ENTREP2: variants seen among roughly 807,000 people sequenced by gnomAD.
ENTREP2 encodes protein ENTREP2.
the ENTREP2 span, among the ~76,000 whole-genome samples, chr15:29,630,248 G>A: frequency 2.8e-3 from 421 of 152,168 alleles, no homozygotes; most frequent in African/African-American, 8.9e-3. Context: ...TAGGACATAG[G>A]GTTTATAATT....
chr15:29,304,414 C>A, the ENTREP2 span, among the ~76,000 whole-genome samples: 1 of 152,020 alleles, frequency 6.6e-6, no homozygotes, highest in Non-Finnish European at 1.5e-5. Flanking sequence ...TCAACAAATG[C>A]AAAAAAACTG....
the ENTREP2 span, among the ~76,000 whole-genome samples, chr15:29,344,231 G>A: frequency 3.9e-5 from 6 of 152,166 alleles, no homozygotes; most frequent in Middle Eastern, 6.3e-3. Flanking sequence ...TCCCCAAAAC[G>A]CTTCACGCTG....
the ENTREP2 span, among the ~76,000 whole-genome samples, chr15:29,144,527 G>A: frequency 1.4e-4 from 21 of 152,276 alleles, 1 homozygote; most frequent in African/African-American, 3.9e-4. Flanking sequence ...CTACGAGTTC[G>A]AGACCAGCCT....
the ENTREP2 span, among the ~76,000 whole-genome samples, chr15:29,413,670 C>T: frequency 6.6e-6 from 1 of 152,136 alleles, no homozygotes; most frequent in Non-Finnish European, 1.5e-5. Context: ...AACTCTCTTC[C>T]CCTCTTCCTA....
chr15:29,365,638 T>TG, the ENTREP2 span, among the ~76,000 whole-genome samples: 2 of 152,000 alleles, frequency 1.3e-5, no homozygotes, highest in African/African-American at 4.8e-5. Flanking sequence ...CCCACTGCTC[T>TG]GGGAATATAG....
At chr15:29,564,098 C>T in the ENTREP2 span, among the ~76,000 whole-genome samples, 1 of 152,028 alleles carries the variant, frequency 6.6e-6, no homozygotes, top group African/African-American at 2.4e-5. Context: ...GGAGGAAGTT[C>T]CCAATAGATC....
the ENTREP2 span, among the ~76,000 whole-genome samples, chr15:29,304,364 T>C: frequency 6.6e-6 from 1 of 152,142 alleles, no homozygotes; most frequent in South Asian, 2.1e-4. Flanking sequence ...ACATGGCACA[T>C]ACTCTAAAAC....
chr15:29,320,360 C>A, the ENTREP2 span, among the ~76,000 whole-genome samples: 1 of 152,186 alleles, frequency 6.6e-6, no homozygotes, highest in Admixed American at 6.5e-5. Context: ...CCCTCTGGCA[C>A]CTACAGCTAC....
chr15:29,649,057 T>TACACACACACACACACAC, the ENTREP2 span, among the ~76,000 whole-genome samples: 61 of 144,970 alleles, frequency 4.2e-4, no homozygotes, highest in Non-Finnish European at 8.4e-4. Context: ...GGGACACATG[T>TACACACACACACACACAC]ACACACACAC....
At chr15:29,494,407 G>A in the ENTREP2 span, among the ~76,000 whole-genome samples, 1 of 152,216 alleles carries the variant, frequency 6.6e-6, no homozygotes, top group African/African-American at 2.4e-5. Flanking sequence ...AATAAAAATT[G>A]TATATATTTT....
chr15:29,387,999 C>G, the ENTREP2 span, among the ~76,000 whole-genome samples: 3 of 152,116 alleles, frequency 2.0e-5, no homozygotes, highest in Non-Finnish European at 4.4e-5. Context: ...TATGTTAGAC[C>G]TAAAACCATA....
At chr15:29,308,348 C>A in the ENTREP2 span, among the ~76,000 whole-genome samples, 1 of 151,150 alleles carries the variant, frequency 6.6e-6, no homozygotes, top group Non-Finnish European at 1.5e-5. Flanking sequence ...TGCACTCCAG[C>A]CTGGCTGACA....
At chr15:29,452,423 T>A in the ENTREP2 span, 1 of 152,244 alleles carries the variant, frequency 6.6e-6, no homozygotes, top group African/African-American at 2.4e-5. Context: ...GGAGGCCTCA[T>A]GCCACATGGT....
At chr15:29,557,440 T>C in the ENTREP2 span, among the ~76,000 whole-genome samples, 1,139 of 152,262 alleles carry the variant, frequency 7.5e-3, 15 homozygotes, top group African/African-American at 0.026. Context: ...GGGGTTGAGA[T>C]GCAAACAATT....
At chr15:29,287,014 T>C in the ENTREP2 span, among the ~76,000 whole-genome samples, 18 of 152,160 alleles carry the variant, frequency 1.2e-4, no homozygotes. Context: ...TGCAGTTAAT[T>C]TGCAACTGGG....
chr15:29,470,281 C>T, the ENTREP2 span, among the ~76,000 whole-genome samples: 768 of 152,296 alleles, frequency 5.0e-3, 8 homozygotes, highest in African/African-American at 0.018. Context: ...CCGGAGGGTC[C>T]TGAGGCAGTG....
At chr15:29,664,088 C>A in the ENTREP2 span, among the ~76,000 whole-genome samples, 3 of 151,818 alleles carry the variant, frequency 2.0e-5, no homozygotes, top group African/African-American at 7.3e-5. Flanking sequence ...ATAAATTGCT[C>A]CCAGCATATA....
At chr15:29,332,161 G>A in the ENTREP2 span, among the ~76,000 whole-genome samples, 1 of 152,052 alleles carries the variant, frequency 6.6e-6, no homozygotes, top group East Asian at 1.9e-4. Flanking sequence ...TAAACAAGAG[G>A]TCGAAGAAAG....
the ENTREP2 span, among the ~76,000 whole-genome samples, chr15:29,162,233 G>A: frequency 6.6e-6 from 1 of 152,166 alleles, no homozygotes; most frequent in East Asian, 1.9e-4. Flanking sequence ...AGCCAGAGGA[G>A]CGAGGGTAAA....
Sources: allele counts gnomAD v4.1 joint callset (sites outside exome capture counted in the v4.1 genomes callset), GRCh38; gene constraint gnomAD v4.1.1; transcripts MANE v1.5; gene names NCBI Gene and HGNC (gene_info 2026-07-23, HGNC 2026-07-21).